VPS41: variants seen among roughly 807,000 people sequenced by gnomAD.
The protein encoded by VPS41 is VPS41 subunit of HOPS complex.
VPS41 carries 85 observed loss-of-function variants against 130.9 expected under a neutral mutation model. The observed-to-expected ratio is 0.65, with a 90% CI of 0.55 to 0.78. The LOEUF (loss-of-function observed/expected upper bound fraction) is 0.78, where lower values mean the gene tolerates loss of function less well. Among genes scored for constraint, VPS41 ranks in the 30% least tolerant of loss-of-function variants. The pLI is 0.00. For synonymous variants in VPS41, 335 were observed against 332.9 expected, an observed-to-expected ratio of 1.01 and a Z score of -0.07; for missense variants, 874 against 1,018.7, an observed-to-expected ratio of 0.86 and a Z score of 1.93.
chr7:38,821,310 A>C (rs542719534), intron 5 of VPS41, 45 bp from the exon 6 acceptor site: 2 of 1,405,012 alleles, frequency 1.4e-6, no homozygotes, highest in East Asian at 4.6e-5. Flanking sequence ...ACAGCAATAG[A>C]GAAGGCTACT....
rs982900938 is a variant in VPS41 at position 38,880,018 on chromosome 7, G to A, written c.61-10765C>T. On this transcript the variant is annotated intron_variant, in intron 2 of 28. Transcript: ENST00000310301. Reference sequence around the variant, plus strand: ...CTACCATATGCAGCGCATATACACTGTACTAGTTACTTAAAACCTTGGTTA... The same window carrying A: ...CTACCATATGCAGCGCATATACACTATACTAGTTACTTAAAACCTTGGTTA... Among the ~76,000 whole-genome samples the A allele has an allele frequency of 2.6e-5, 4 of 152,032 alleles. No homozygotes were observed. The East Asian group carries it at 5.8e-4, about 22-fold the overall frequency.
At chr7:38,735,862 G>T (rs1019872296) in intron 25 of VPS41, among the ~76,000 whole-genome samples, 6 of 152,202 alleles carry the variant, frequency 3.9e-5, no homozygotes, top group Admixed American at 3.9e-4. Context: ...GAGAAGGGCT[G>T]TCCTGCTACC....
rs1795492394 is a variant in VPS41, at chr7:38,724,235, C to T, written c.*2011G>A. 2 of 152,158 alleles carry T rather than the reference C, an allele frequency of 1.3e-5. No individual in the cohort carries two copies. Among genetic ancestry groups the T allele is most frequent in the African/African-American group, 2.4e-5 (1 of 41,436 alleles). 9.4% of individuals were successfully genotyped at this position (152,158 alleles called of 1,614,324 possible). On this transcript the variant is annotated 3_prime_UTR_variant, in exon 29 of 29. Transcript: ENST00000310301. Reference sequence around the variant, plus strand: ...AGCAAAATGACTTCACTGAAATTAGCAAATCCTATTGATGATCTTAAAGTA... The same window carrying T: ...AGCAAAATGACTTCACTGAAATTAGTAAATCCTATTGATGATCTTAAAGTA...
intron 25 of VPS41, among the ~76,000 whole-genome samples, chr7:38,739,053 T>C (rs1429021613): frequency 1.3e-5 from 2 of 152,250 alleles, no homozygotes; most frequent in Admixed American, 6.5e-5. Context: ...GGCTAATGAA[T>C]GATCTCCCAA....
intron 7 of VPS41, among the ~76,000 whole-genome samples, chr7:38,803,805 A>G (rs1213463706): frequency 6.6e-6 from 1 of 152,208 alleles, no homozygotes; most frequent in Admixed American, 6.5e-5. Flanking sequence ...AATGACCAGG[A>G]ACCCATATGG....
intron 5 of VPS41, among the ~76,000 whole-genome samples, chr7:38,829,231 A>C (rs1047496403): frequency 3.3e-5 from 5 of 152,180 alleles, no homozygotes; most frequent in African/African-American, 1.2e-4. Context: ...ACTGTTTCAA[A>C]AGACTCTTTG....
At chr7:38,768,778 T>C (rs990662680) in intron 14 of VPS41, among the ~76,000 whole-genome samples, 2 of 152,190 alleles carry the variant, frequency 1.3e-5, no homozygotes, top group Non-Finnish European at 2.9e-5. Flanking sequence ...GCTTCTCCAC[T>C]GTGGAGCTTA....
intron 5 of VPS41, among the ~76,000 whole-genome samples, chr7:38,828,427 C>A (rs1785323044): frequency 6.6e-6 from 1 of 152,000 alleles, no homozygotes; most frequent in Non-Finnish European, 1.5e-5. Flanking sequence ...TGAAATAACC[C>A]TAATAAATAA....
At chr7:38,752,107 G>C in intron 22 of VPS41, 69 bp downstream of exon 22, 1 of 1,593,276 alleles carries the variant, frequency 6.3e-7, no homozygotes, top group South Asian at 1.1e-5. Flanking sequence ...AGAGAAGAAA[G>C]ACAAACAACT....
chr7:38,843,252 A>C (rs1785648833), intron 4 of VPS41, among the ~76,000 whole-genome samples: 1 of 152,224 alleles, frequency 6.6e-6, no homozygotes, highest in South Asian at 2.1e-4. Context: ...ATTTGATCAG[A>C]TTCAAGTAGC....
chr7:38,753,491 T>A (rs1229876662), intron 21 of VPS41, among the ~76,000 whole-genome samples: 2 of 152,046 alleles, frequency 1.3e-5, no homozygotes, highest in Non-Finnish European at 2.9e-5. Context: ...GGATATGTGG[T>A]GCTGTTTCCC....
intron 13 of VPS41, among the ~76,000 whole-genome samples, chr7:38,771,665 T>C (rs1300699189): frequency 1.3e-5 from 2 of 152,200 alleles, no homozygotes; most frequent in Non-Finnish European, 2.9e-5. Flanking sequence ...TTCCCTTATG[T>C]TTCAATAAAA....
At chr7:38,908,173 G>A (rs1483685672) in intron 1 of VPS41, among the ~76,000 whole-genome samples, 1 of 152,078 alleles carries the variant, frequency 6.6e-6, no homozygotes, top group African/African-American at 2.4e-5. Context: ...CCATCATCAA[G>A]TCACTGTTTA....
At position 38,889,559 on chromosome 7, in the gene VPS41, C is replaced by A. The variant is rs572516595; in HGVS notation, c.60+8532G>T. Among the ~76,000 whole-genome samples, 226 of 120,050 alleles carry A rather than the reference C, an allele frequency of 1.9e-3. 1 individual carries two copies. The highest frequency in any genetic ancestry group is 4.7e-3 in the Middle Eastern group (1 of 214). 78.8% of individuals were successfully genotyped at this position (120,050 alleles called of 152,430 possible). A position where few individuals can be genotyped will look rare whatever the true frequency, so the allele number is the denominator to read the frequency against. ...GTTAAAAAAACAAAACAAAACAAAACAAAAAAAAAAAAAAACCTTAAAACT... is the reference window on the plus strand; with the variant it reads ...GTTAAAAAAACAAAACAAAACAAAAAAAAAAAAAAAAAAAACCTTAAAACT... On this transcript the variant is annotated intron_variant, in intron 2 of 28. Coordinates refer to ENST00000310301, the MANE Select transcript of VPS41 (RefSeq NM_014396.4).
chr7:38,899,109 A>G (rs1035529310), intron 1 of VPS41, among the ~76,000 whole-genome samples: 10 of 152,226 alleles, frequency 6.6e-5, no homozygotes, highest in Admixed American at 4.6e-4. Context: ...AATTTCATTC[A>G]TCAAAAATTA....
chr7:38,870,020 C>T (rs566588756), intron 2 of VPS41, among the ~76,000 whole-genome samples: 3 of 152,306 alleles, frequency 2.0e-5, no homozygotes, highest in Non-Finnish European at 4.4e-5. Flanking sequence ...GAGAATTGAG[C>T]TGGCATTCTA....
At chr7:38,883,431 A>G (rs1333012271) in intron 2 of VPS41, among the ~76,000 whole-genome samples, 2 of 152,062 alleles carry the variant, frequency 1.3e-5, no homozygotes, top group African/African-American at 2.4e-5. Context: ...TACCTATGAG[A>G]CTTTTTCCTC....
chr7:38,786,287 T>C (rs530455751), intron 10 of VPS41, among the ~76,000 whole-genome samples: 1 of 152,342 alleles, frequency 6.6e-6, no homozygotes, highest in African/African-American at 2.4e-5. Flanking sequence ...ACCATGGGGA[T>C]AGTAGCCGCT....
chr7:38,895,348 A>G (rs1445327836), intron 2 of VPS41, among the ~76,000 whole-genome samples: 2 of 152,102 alleles, frequency 1.3e-5, no homozygotes, highest in Admixed American at 1.3e-4. Flanking sequence ...AAAAAATAAA[A>G]AAAACAAACC....
Sources: gnomAD v4.1 joint callset for allele counts (sites outside exome capture counted in the v4.1 genomes callset) on GRCh38, gnomAD v4.1.1 for gene constraint, MANE v1.5 for transcripts, NCBI Gene and HGNC (gene_info 2026-07-23, HGNC 2026-07-21) for gene names.